Variants in XKR6 observed in about 807,000 individuals in gnomAD.
The protein encoded by XKR6 is XK related 6.
XKR6 carries 22 observed loss-of-function variants against 56.7 expected under a neutral mutation model. That is an observed-to-expected ratio of 0.39 (90% CI 0.28 to 0.55). XKR6 has a LOEUF of 0.55. XKR6 is among the 20% of genes least tolerant of loss of function. The pLI, the probability that XKR6 is intolerant of heterozygous loss-of-function variation, is 0.66. For synonymous variants in XKR6, 524 were observed against 387.8 expected (o/e 1.35, Z -4.13); for missense variants, 852 against 889.0 (o/e 0.96, Z 0.53).
chr8:10,941,556 C>G (rs558812336), intron 1 of XKR6, among the ~76,000 whole-genome samples: 9 of 152,336 alleles, frequency 5.9e-5, no homozygotes, highest in East Asian at 1.9e-4. Flanking sequence ...GTCTCTGAGC[C>G]TGATTTTGCC....
At position 11,073,712 on chromosome 8, in the gene XKR6, A is replaced by G. The variant is rs1800192708; in HGVS notation, c.764+126864T>C. On this transcript the variant is annotated intron_variant, in intron 1 of 2. Coordinates refer to ENST00000416569, the MANE Select transcript of XKR6 (RefSeq NM_173683.4). Reference sequence around the variant, plus strand: ...CCTGCACTGCACGTAGTTCAATCACAGGTTGTGAAAATGGATTAAGAAGTA... The same window carrying G: ...CCTGCACTGCACGTAGTTCAATCACGGGTTGTGAAAATGGATTAAGAAGTA... Among the ~76,000 whole-genome samples the G allele has an allele frequency of 2.6e-5, 4 of 152,242 alleles. No individual in the cohort carries two copies. In the South Asian group the frequency reaches 8.3e-4, roughly 32 times the overall value.
intron 1 of XKR6, among the ~76,000 whole-genome samples, chr8:11,085,395 A>G (rs1301244373): frequency 6.6e-6 from 1 of 152,196 alleles, no homozygotes; most frequent in African/African-American, 2.4e-5. Context: ...CAGGGGACCT[A>G]GCCCACGGAG....
At chr8:11,004,806 T>C (rs1047741980) in intron 1 of XKR6, among the ~76,000 whole-genome samples, 1 of 152,180 alleles carries the variant, frequency 6.6e-6, no homozygotes, top group Non-Finnish European at 1.5e-5. Context: ...CATCAAACAA[T>C]GAATGGATAA....
intron 1 of XKR6, among the ~76,000 whole-genome samples, chr8:10,959,261 G>C (rs36030755): frequency 0.35 from 53,214 of 151,874 alleles, 9,707 homozygotes; most frequent in Non-Finnish European, 0.39. Context: ...GAGAGGAACT[G>C]AGTCCCCTCG....
intron 1 of XKR6, among the ~76,000 whole-genome samples, chr8:10,939,929 C>A (rs1801339489): frequency 6.6e-6 from 1 of 152,232 alleles, no homozygotes; most frequent in Non-Finnish European, 1.5e-5. Flanking sequence ...GCCAGCCTCC[C>A]CCTCCCCCAG....
chr8:11,174,390 T>C (rs1802548528), intron 1 of XKR6, among the ~76,000 whole-genome samples: 1 of 152,208 alleles, frequency 6.6e-6, no homozygotes, highest in African/African-American at 2.4e-5. Flanking sequence ...CAGAATGTAC[T>C]TGTGCAGCAA....
chr8:10,940,365 C>G (rs1801349793), intron 1 of XKR6, among the ~76,000 whole-genome samples: 1 of 152,186 alleles, frequency 6.6e-6, no homozygotes. Context: ...AGGTTCAGGG[C>G]CCGCAGTAGT....
chr8:10,908,359 A>G (rs985681372), intron 2 of XKR6, among the ~76,000 whole-genome samples: 1 of 149,874 alleles, frequency 6.7e-6, no homozygotes, highest in Non-Finnish European at 1.5e-5. Context: ...AAGGGCCGGC[A>G]GGGCTGCCCT....
At chr8:11,121,993 C>T (rs536887365) in intron 1 of XKR6, among the ~76,000 whole-genome samples, 9 of 152,336 alleles carry the variant, frequency 5.9e-5, no homozygotes, top group African/African-American at 2.2e-4. Context: ...AATAAGAACA[C>T]TTGGATACAG....
At chr8:10,924,591 G>C in intron 2 of XKR6, 43 bp downstream of exon 2, 1 of 1,571,094 alleles carries the variant, frequency 6.4e-7, no homozygotes, top group South Asian at 1.2e-5. Flanking sequence ...TCCCCAGGTG[G>C]AGGGCAGGCC....
intron 1 of XKR6, among the ~76,000 whole-genome samples, chr8:11,196,747 G>C: frequency 6.6e-6 from 1 of 152,204 alleles, no homozygotes; most frequent in Middle Eastern, 3.2e-3. Context: ...GTCCTCCCCA[G>C]GGAGTCTTCT....
intron 1 of XKR6, among the ~76,000 whole-genome samples, chr8:10,984,496 G>T (rs146020310): frequency 5.8e-4 from 88 of 151,794 alleles, no homozygotes; most frequent in Middle Eastern, 3.4e-3. Flanking sequence ...AAGAAAGAAA[G>T]AATTATAAAA....
chr8:11,181,933 A>T (rs565883657), intron 1 of XKR6, among the ~76,000 whole-genome samples: 2 of 151,402 alleles, frequency 1.3e-5, no homozygotes, highest in East Asian at 3.9e-4. Flanking sequence ...GCTCCCTGAA[A>T]CCTCCGCCTT....
At chr8:11,073,373 TC>T (rs1484215682) in intron 1 of XKR6, among the ~76,000 whole-genome samples, 1 of 152,060 alleles carries the variant, frequency 6.6e-6, no homozygotes, top group Non-Finnish European at 1.5e-5. Context: ...CAGAGATGCA[TC>T]CTGCCTCCAA....
intron 1 of XKR6, among the ~76,000 whole-genome samples, chr8:10,966,647 C>A (rs1386569847): frequency 6.6e-6 from 1 of 152,154 alleles, no homozygotes; most frequent in Non-Finnish European, 1.5e-5. Flanking sequence ...ACACTCCAGC[C>A]TGGACCACAG....
chr8:10,950,187 G>A (rs557477171), intron 1 of XKR6, among the ~76,000 whole-genome samples: 27 of 152,030 alleles, frequency 1.8e-4, no homozygotes, highest in Non-Finnish European at 2.8e-4. Context: ...CCACCCTGTC[G>A]CAGGCCAGCA....
intron 1 of XKR6, among the ~76,000 whole-genome samples, chr8:11,101,354 A>T (rs1798474633): frequency 6.6e-6 from 1 of 152,226 alleles, no homozygotes. Context: ...CCGTGATTGG[A>T]TAACGTACAC....
intron 1 of XKR6, chr8:11,109,843 C>T (rs1798820108): frequency 6.6e-6 from 1 of 152,156 alleles, no homozygotes; most frequent in African/African-American, 2.4e-5. Context: ...AACACCTCTA[C>T]TGACGAAAGC....
chr8:11,149,233 C>T (rs891924809), intron 1 of XKR6, among the ~76,000 whole-genome samples: 15 of 152,162 alleles, frequency 9.9e-5, no homozygotes, highest in Non-Finnish European at 1.9e-4. Flanking sequence ...GCATTGCCTA[C>T]GACACACCTC....
Sources: allele counts gnomAD v4.1 joint callset (sites outside exome capture counted in the v4.1 genomes callset), GRCh38; gene constraint gnomAD v4.1.1; transcripts MANE v1.5; gene names NCBI Gene and HGNC (gene_info 2026-07-23, HGNC 2026-07-21).